Variants in DNAL1 observed in about 807,000 individuals in gnomAD.
DNAL1 encodes chromosome 14 open reading frame 168.
Under a neutral mutation model 29.4 loss-of-function variants are expected in DNAL1, and 17 were observed. The observed-to-expected ratio is 0.58, with a 90% CI of 0.40 to 0.87. The LOEUF (loss-of-function observed/expected upper bound fraction) is 0.87. Among genes scored for constraint, DNAL1 ranks in the 40% least tolerant of loss-of-function variants. The probability of loss-of-function intolerance (pLI) is 0.00; values close to 1 mark genes in which losing one functional copy is unlikely to be tolerated. For missense variants in DNAL1, 188 were observed against 214.1 expected, an observed-to-expected ratio of 0.88 and a Z score of 0.76; for synonymous variants, 78 against 76.3, an observed-to-expected ratio of 1.02 and a Z score of -0.12.
In DNAL1 at chr14:73,702,122, A is replaced by C. The variant is rs1272992603; in HGVS notation, c.*6180A>C. 6.6e-6 allele frequency: 1 copy of C among 150,890 alleles called. No homozygotes were observed. Among genetic ancestry groups the C allele is most frequent in the Admixed American group, 6.6e-5 (1 of 15,130 alleles). The allele number at this position is 150,890 out of a possible 1,614,324, so 9.3% of individuals were successfully genotyped here. ...GTGTGTGTGCACGTGCATGAGAGAG[A>C]GTGAAAGAGAGAGGTGTTTTTTGTT... On this transcript the variant is annotated 3_prime_UTR_variant, in exon 8 of 8. Transcript: ENST00000553645.
At chr14:73,655,898 G>A (rs1891207253) in intron 2 of DNAL1, among the ~76,000 whole-genome samples, 1 of 152,084 alleles carries the variant, frequency 6.6e-6, no homozygotes, top group Non-Finnish European at 1.5e-5. Flanking sequence ...TATATTTTCA[G>A]TATTATATAA....
In DNAL1 at chr14:73,671,914, G is replaced by T. The variant is rs562927161; in HGVS notation, c.264+317G>T. Among the ~76,000 whole-genome samples the T allele has an allele frequency of 3.3e-5, 5 of 152,198 alleles. No individual in the cohort carries two copies. In the South Asian group the frequency reaches 1.0e-3, roughly 32 times the overall value. On this transcript the variant is annotated intron_variant, in intron 5 of 7. Transcript: ENST00000553645. ...AGATGGAACAATAACGTAAAACTAG[G>T]CAATTTCAGGAAAGATGAAGTGAAT...
At chr14:73,647,380 A>AG (rs1891005124) in intron 1 of DNAL1, among the ~76,000 whole-genome samples, 1 of 105,792 alleles carries the variant, frequency 9.5e-6, no homozygotes, top group Admixed American at 1.2e-4. Context: ...AAAAAAAAAA[A>AG]AGAAAAAGAA....
chr14:73,671,775 C>T (rs1038407531), intron 5 of DNAL1, among the ~76,000 whole-genome samples, 178 bp downstream of exon 5: 1 of 152,166 alleles, frequency 6.6e-6, no homozygotes, highest in Admixed American at 6.5e-5. Flanking sequence ...GTACTCCCAC[C>T]AGTAACGTGT....
chr14:73,673,938 T>A (rs1891671255), intron 5 of DNAL1, among the ~76,000 whole-genome samples: 1 of 150,582 alleles, frequency 6.6e-6, no homozygotes, highest in Admixed American at 6.7e-5. Context: ...GATACTGGGT[T>A]TCTAATATGT....
intron 7 of DNAL1, among the ~76,000 whole-genome samples, chr14:73,695,618 C>T (rs933404319): frequency 2.0e-5 from 3 of 152,100 alleles, no homozygotes; most frequent in Admixed American, 6.5e-5. Context: ...CAACCTCTGC[C>T]TCCCGGGTTC....
At chr14:73,655,742 T>C (rs901884405) in intron 2 of DNAL1, among the ~76,000 whole-genome samples, 1 of 152,080 alleles carries the variant, frequency 6.6e-6, no homozygotes, top group African/African-American at 2.4e-5. Flanking sequence ...CTTTAGAAGG[T>C]GGTTTTAGCC....
At chr14:73,679,413 G>C (rs1891821934) in intron 5 of DNAL1, among the ~76,000 whole-genome samples, 1 of 152,096 alleles carries the variant, frequency 6.6e-6, no homozygotes, top group Admixed American at 6.6e-5. Context: ...ATGCACTCAT[G>C]TTTGTAGTAG....
At chr14:73,684,549 C>T (rs991036166) in intron 5 of DNAL1, among the ~76,000 whole-genome samples, 6 of 152,088 alleles carry the variant, frequency 3.9e-5, no homozygotes, top group Non-Finnish European at 7.3e-5. Flanking sequence ...TACCTGGATT[C>T]ATTACTTTAT....
At chr14:73,677,418 C>T (rs1437443984) in intron 5 of DNAL1, among the ~76,000 whole-genome samples, 1 of 151,506 alleles carries the variant, frequency 6.6e-6, no homozygotes, top group Non-Finnish European at 1.5e-5. Context: ...GACCCTCTTG[C>T]CTCAAGTCTC....
At chr14:73,681,290 T>C (rs1891868858) in intron 5 of DNAL1, among the ~76,000 whole-genome samples, 1 of 151,704 alleles carries the variant, frequency 6.6e-6, no homozygotes, top group African/African-American at 2.4e-5. Flanking sequence ...CCCACCACCA[T>C]GCCCGGCTAG....
At chr14:73,659,765 A>G (rs954785699) in intron 3 of DNAL1, 1 of 152,188 alleles carries the variant, frequency 6.6e-6, no homozygotes, top group Non-Finnish European at 1.5e-5. Context: ...TACCCCTTAA[A>G]AAAAAAGTTT....
chr14:73,671,418 C>A, intron 4 of DNAL1, 124 bp from the exon 5 acceptor site: 1 of 1,071,304 alleles, frequency 9.3e-7, no homozygotes. Context: ...TTAACACAAC[C>A]TTTCTTACTC....
intron 5 of DNAL1, among the ~76,000 whole-genome samples, chr14:73,680,296 T>C (rs149228777): frequency 8.5e-4 from 130 of 152,350 alleles, no homozygotes; most frequent in African/African-American, 2.7e-3. Flanking sequence ...TTGCAATCTT[T>C]TGTACAAGCT....
chr14:73,683,329 CAGT>C (rs1306256911), intron 5 of DNAL1, among the ~76,000 whole-genome samples: 2 of 152,066 alleles, frequency 1.3e-5, no homozygotes, highest in African/African-American at 4.8e-5. Context: ...GCTGGTGGCT[CAGT>C]AGGTTTGTTT....
chr14:73,658,258 C>T (rs918566954), intron 2 of DNAL1, among the ~76,000 whole-genome samples: 1 of 152,140 alleles, frequency 6.6e-6, no homozygotes, highest in African/African-American at 2.4e-5. Flanking sequence ...TTCTATTGGT[C>T]TGTGTATCTG....
rs78592949 is a variant in DNAL1 at position 73,664,039 on chromosome 14, A to C, written c.208+1997A>C. Among the ~76,000 whole-genome samples the C allele has an allele frequency of 8.3e-3, 1,269 of 152,168 alleles. 25 individuals are homozygous for C. The highest frequency in any genetic ancestry group is 0.029 in the African/African-American group (1,201 of 41,504). ...CCTCCCTGTACAGGTTCCCAGGGAG[A>C]CTACTGTGTACATAACTGAAAAGGG... On this transcript the variant is annotated intron_variant, in intron 4 of 7. Transcript: ENST00000553645.
At chr14:73,694,276 A>AAATAAATG (rs1892245527) in intron 7 of DNAL1, among the ~76,000 whole-genome samples, 1 of 145,890 alleles carries the variant, frequency 6.9e-6, no homozygotes, top group Non-Finnish European at 1.5e-5. Context: ...ATAAATAAAT[A>AAATAAATG]AATAAATAAA....
chr14:73,653,914 A>G (rs1891158016), intron 1 of DNAL1, among the ~76,000 whole-genome samples: 1 of 152,174 alleles, frequency 6.6e-6, no homozygotes, highest in African/African-American at 2.4e-5. Flanking sequence ...ATGTTTTACT[A>G]AGAAAAAAAT....
Sources: allele counts gnomAD v4.1 joint callset (sites outside exome capture counted in the v4.1 genomes callset), GRCh38; gene constraint gnomAD v4.1.1; transcripts MANE v1.5; gene names NCBI Gene and HGNC (gene_info 2026-07-23, HGNC 2026-07-21).